The following ABHD17B variants were observed in gnomAD, a reference collection of about 807,000 sequenced individuals.
ABHD17B encodes abhydrolase domain containing 17B, depalmitoylase, also known as alpha/beta hydrolase domain-containing protein 17B.
In ABHD17B, 9 loss-of-function variants were observed where a neutral mutation model predicts 26.2. The observed-to-expected ratio is 0.34, with a 90% CI of 0.21 to 0.60. The LOEUF (loss-of-function observed/expected upper bound fraction) is 0.60. ABHD17B is among the 20% of genes least tolerant of loss of function. ABHD17B has a pLI of 0.80. For synonymous variants in ABHD17B, 127 were observed against 122.3 expected (o/e 1.04, Z -0.25); for missense variants, 224 against 352.1 (o/e 0.64, Z 2.91).
chr9:71,907,217 A>G (rs1451984115), intron 1 of ABHD17B, among the ~76,000 whole-genome samples: 1 of 152,226 alleles, frequency 6.6e-6, no homozygotes, highest in Non-Finnish European at 1.5e-5. Flanking sequence ...AACAGAGCAC[A>G]TACCACCTAA....
At chr9:71,865,090 A>T (rs990050908), downstream of ABHD17B, 41 of 927,912 alleles carry the variant, frequency 4.4e-5, no homozygotes, top group Non-Finnish European at 5.1e-5. Context: ...ACGAAGGGTA[A>T]TTTTTTTTCA....
intron 2 of ABHD17B, among the ~76,000 whole-genome samples, chr9:71,873,472 A>G (rs1826169990): frequency 6.6e-6 from 1 of 152,086 alleles, no homozygotes; most frequent in South Asian, 2.1e-4. Context: ...ATCTCAGCTC[A>G]CTGCAACCTC....
downstream of ABHD17B, among the ~76,000 whole-genome samples, chr9:71,863,943 G>A (rs1825887248): frequency 6.6e-6 from 1 of 152,070 alleles, no homozygotes; most frequent in Non-Finnish European, 1.5e-5. Flanking sequence ...AATAACATTA[G>A]TAATGTAAAT....
At chr9:71,900,670 A>G (rs1478151898) in intron 1 of ABHD17B, among the ~76,000 whole-genome samples, 1 of 151,430 alleles carries the variant, frequency 6.6e-6, no homozygotes, top group Non-Finnish European at 1.5e-5. Flanking sequence ...AAAAAAAAAA[A>G]AAAGTCAAAC....
At chr9:71,900,686 C>T (rs568934117) in intron 1 of ABHD17B, among the ~76,000 whole-genome samples, 1 of 149,998 alleles carries the variant, frequency 6.7e-6, no homozygotes, top group South Asian at 2.1e-4. Context: ...CAAACTTCTC[C>T]ACAGGTCCTT....
chr9:71,900,295 TAC>T (rs1395438865), intron 1 of ABHD17B, among the ~76,000 whole-genome samples: 2 of 152,212 alleles, frequency 1.3e-5, no homozygotes, highest in Non-Finnish European at 2.9e-5. Flanking sequence ...TCTCCTAATC[TAC>T]AGTTTCTTTT....
chr9:71,898,580 G>A (rs1484182967), intron 1 of ABHD17B, among the ~76,000 whole-genome samples: 8 of 152,030 alleles, frequency 5.3e-5, no homozygotes, highest in Non-Finnish European at 7.4e-5. Flanking sequence ...CGAAGGCTGC[G>A]GTGAGCCAAG....
intron 1 of ABHD17B, among the ~76,000 whole-genome samples, chr9:71,905,129 GTTT>G (rs1187625006): frequency 6.9e-6 from 1 of 145,586 alleles, no homozygotes; most frequent in Non-Finnish European, 1.5e-5. Flanking sequence ...GAAGTTTTTT[GTTT>G]TTTTTTTTGA....
chr9:71,896,717 C>A (rs1182033239), intron 1 of ABHD17B, among the ~76,000 whole-genome samples: 1 of 150,388 alleles, frequency 6.6e-6, no homozygotes, highest in African/African-American at 2.4e-5. Flanking sequence ...TATATATATA[C>A]CTTCTTCAAG....
At chr9:71,873,823 G>A (rs1032879487) in intron 2 of ABHD17B, among the ~76,000 whole-genome samples, 4 of 152,094 alleles carry the variant, frequency 2.6e-5, no homozygotes, top group African/African-American at 7.2e-5. Flanking sequence ...GTGAGCCACC[G>A]CACCCAGCCT....
intron 1 of ABHD17B, among the ~76,000 whole-genome samples, chr9:71,901,829 T>C (rs1012593158): frequency 4.6e-5 from 7 of 152,148 alleles, no homozygotes; most frequent in African/African-American, 1.7e-4. Context: ...CTAATATCTA[T>C]TTCATACCCC....
intron 1 of ABHD17B, among the ~76,000 whole-genome samples, chr9:71,888,918 T>C (rs1404824523): frequency 2.6e-5 from 4 of 152,010 alleles, no homozygotes; most frequent in East Asian, 3.8e-4. Context: ...GTGATAATAC[T>C]ACTACTGTAT....
intron 1 of ABHD17B, among the ~76,000 whole-genome samples, chr9:71,876,111 T>C (rs1361909261): frequency 1.3e-5 from 2 of 152,200 alleles, no homozygotes; most frequent in African/African-American, 4.8e-5. Flanking sequence ...ATGTAATTAC[T>C]GCCCAAACTA....
chr9:71,882,286 T>C (rs1344876757), intron 1 of ABHD17B, among the ~76,000 whole-genome samples: 1 of 152,230 alleles, frequency 6.6e-6, no homozygotes, highest in African/African-American at 2.4e-5. Flanking sequence ...CAAAAACTTG[T>C]ACATGCATGT....
Position 71,911,176 on chromosome 9 carries a change from A to G in ABHD17B, c.-546T>C, listed in dbSNP as rs1827463207. Reference sequence around the variant, plus strand: ...GGACGAGCACAATCCCCACTGAGCCAGGAGTTGGCCACTGACTGGAGGAAG... The same window carrying G: ...GGACGAGCACAATCCCCACTGAGCCGGGAGTTGGCCACTGACTGGAGGAAG... On this transcript the variant is annotated 5_prime_UTR_variant, in exon 1 of 4. Coordinates refer to ENST00000333421, the MANE Select transcript of ABHD17B (RefSeq NM_001025780.3). Among the ~76,000 whole-genome samples, 1 of 152,028 alleles carries G rather than the reference A, an allele frequency of 6.6e-6. No homozygotes were observed.
intron 3 of ABHD17B, among the ~76,000 whole-genome samples, chr9:71,869,819 T>A (rs898585463): frequency 3.3e-5 from 5 of 152,176 alleles, no homozygotes; most frequent in African/African-American, 1.2e-4. Flanking sequence ...TTCAAATTAA[T>A]TCCCTTGTCT....
intron 1 of ABHD17B, among the ~76,000 whole-genome samples, chr9:71,876,841 T>A (rs535982707): frequency 6.6e-6 from 1 of 152,266 alleles, no homozygotes; most frequent in Admixed American, 6.5e-5. Context: ...AGGTATAACA[T>A]AAAAGACTTC....
chr9:71,897,591 G>A (rs973628675), intron 1 of ABHD17B, among the ~76,000 whole-genome samples: 2 of 152,152 alleles, frequency 1.3e-5, no homozygotes, highest in African/African-American at 4.8e-5. Context: ...TATATTCCTC[G>A]TTTAACTATC....
chr9:71,882,926 ACG>A (rs1826491684), intron 1 of ABHD17B, among the ~76,000 whole-genome samples: 1 of 152,024 alleles, frequency 6.6e-6, no homozygotes, highest in Non-Finnish European at 1.5e-5. Context: ...TGGGCAGAAC[ACG>A]AGGTCAGGAG....
Sources: gnomAD v4.1 joint callset for allele counts (sites outside exome capture counted in the v4.1 genomes callset) on GRCh38, gnomAD v4.1.1 for gene constraint, MANE v1.5 for transcripts, NCBI Gene and HGNC (gene_info 2026-07-23, HGNC 2026-07-21) for gene names.